The following KATNB1 variants were observed in gnomAD, a reference collection of about 807,000 sequenced individuals.
KATNB1 encodes the protein katanin p80 WD40 repeat-containing subunit B1.
Under a neutral mutation model 82.3 loss-of-function variants are expected in KATNB1, and 38 were observed. The observed-to-expected ratio is 0.46, with a 90% CI of 0.36 to 0.61. The LOEUF (loss-of-function observed/expected upper bound fraction) is 0.61. KATNB1 is among the 20% of genes least tolerant of loss of function. KATNB1 has a pLI of 0.00. For missense variants in KATNB1, 749 were observed against 915.7 expected, an observed-to-expected ratio of 0.82 and a Z score of 2.35; for synonymous variants, 361 against 368.7, an observed-to-expected ratio of 0.98 and a Z score of 0.24.
intron 18 of KATNB1, 141 bp from the exon 19 acceptor site, chr16:57,756,215 G>A: frequency 8.8e-7 from 1 of 1,142,608 alleles, no homozygotes; most frequent in African/African-American, 1.5e-5. Context: ...TCCGGAGGTG[G>A]GAGTGGAAAC....
chr16:57,756,100 G>A (rs782394502), intron 18 of KATNB1, 34 bp downstream of exon 18: 1 of 1,598,406 alleles, frequency 6.3e-7, no homozygotes, highest in African/African-American at 1.3e-5. Context: ...GCCTGAAGCA[G>A]GGGGAGGGGA....
chr16:57,736,344 G>A (rs2049099386), intron 1 of KATNB1, among the ~76,000 whole-genome samples: 1 of 152,142 alleles, frequency 6.6e-6, no homozygotes, highest in Non-Finnish European at 1.5e-5. Flanking sequence ...GGAGGGGAGC[G>A]GGCTCATGGG....
rs1597831694 is a variant in KATNB1, at chr16:57,755,582, C to A, written c.1566+88C>A. On this transcript the variant is annotated intron_variant, in intron 16 of 19. Coordinates refer to ENST00000379661, the MANE Select transcript of KATNB1 (RefSeq NM_005886.3). ...GGGCTTGGGGCAGAACAAGAAGAGGCCACCCATGGGGGACAGTGTGGGATA... is the reference window on the plus strand; with the variant it reads ...GGGCTTGGGGCAGAACAAGAAGAGGACACCCATGGGGGACAGTGTGGGATA... 3.3e-6 allele frequency: 5 copies of A among 1,518,444 alleles called. No homozygotes were observed. In the East Asian group the frequency reaches 1.1e-4, roughly 34 times the overall value. The allele number at this position is 1,518,444 out of a possible 1,614,324, so 94.1% of individuals were successfully genotyped here.
intron 3 of KATNB1, among the ~76,000 whole-genome samples, chr16:57,743,167 C>T (rs1043255589): frequency 6.6e-6 from 1 of 152,208 alleles, no homozygotes; most frequent in South Asian, 2.1e-4. Context: ...GTGGCAGGCA[C>T]CTGTAGTCCC....
chr16:57,738,350 G>A (rs1274477889), intron 2 of KATNB1, among the ~76,000 whole-genome samples: 1 of 151,938 alleles, frequency 6.6e-6, no homozygotes, highest in African/African-American at 2.4e-5. Flanking sequence ...CTGCTTCCCG[G>A]GTTCATGCGA....
chr16:57,755,320 GCATCTGGGTGTC>G lies in KATNB1; in HGVS notation c.1417-20_1417-9del. 2 of 1,612,236 alleles carry G rather than the reference GCATCTGGGTGTC, an allele frequency of 1.2e-6. No individual in the cohort carries two copies. Among genetic ancestry groups the G allele is most frequent in the Non-Finnish European group, 1.7e-6 (2 of 1,179,694 alleles). ...TTTGCTGCTGGCTCCTCCCATGCCA[GCATCTGGGTGTC>G]CATCCCACGCAGGCCGTGAAGATCC... On this transcript the variant is annotated splice_polypyrimidine_tract_variant and intron_variant, in intron 15 of 19. Coordinates refer to ENST00000379661, the MANE Select transcript of KATNB1 (RefSeq NM_005886.3).
chr16:57,751,650 C>A lies in KATNB1; in HGVS notation c.442C>A (p.Gln148Lys), dbSNP rs1312999569. 8.1e-6 allele frequency: 13 copies of A among 1,611,160 alleles called. No individual in the cohort carries two copies. The highest frequency in any genetic ancestry group is 1.1e-5 in the Non-Finnish European group (13 of 1,180,012). Residue 148 changes from glutamine (Q) to lysine (K), a missense_variant, in exon 7 of 20, where the codon CAG (glutamine) becomes AAG (lysine). Gln to Lys is a moderately conservative substitution (Grantham distance 53). Around this residue, in one of 3 missense-constraint regions of KATNB1, gnomAD observed 247 missense variants for 349.4 expected, o/e 0.71. Coordinates refer to ENST00000379661, the MANE Select transcript of KATNB1 (RefSeq NM_005886.3). This position sits in a 1 kb window ranked among gnomAD's most constrained non-coding sequence, Gnocchi z 6.3. ...CCGTGTCCTCCCTCAGGGGCACAGC[C>A]AGGCCGTGCGGTGTCTCCGGTTCAG... ...GCVFRYRGHS[Q>K]AVRCLRFSPD...
chr16:57,747,255 G>A (rs544429784), intron 4 of KATNB1, among the ~76,000 whole-genome samples: 1 of 152,328 alleles, frequency 6.6e-6, no homozygotes, highest in Admixed American at 6.5e-5. Context: ...CTGAAGCCCT[G>A]GAGAGGAAGC....
Position 57,737,120 on chromosome 16 carries a change from G to T in KATNB1, c.-124G>T, listed in dbSNP as rs2148786542. On this transcript the variant is annotated 5_prime_UTR_variant, in exon 2 of 20. Transcript: ENST00000379661. ...GGCCAGAAGACGAGGCATTCTGTCT[G>T]CCTGGATGTGTGGGAACTCTCTGCC... The T allele has an allele frequency of 8.3e-7, 1 of 1,209,800 alleles. No individual in the cohort carries two copies. Among genetic ancestry groups the T allele is most frequent in the East Asian group, 2.5e-5 (1 of 40,138 alleles). 74.9% of individuals were successfully genotyped at this position (1,209,800 alleles called of 1,614,324 possible).
intron 19 of KATNB1, 140 bp downstream of exon 19, chr16:57,756,612 G>T (rs1448553334): frequency 8.6e-7 from 1 of 1,160,634 alleles, no homozygotes; most frequent in Admixed American, 2.5e-5. Flanking sequence ...ATGGCTCAGG[G>T]TGTGGGTGGG....
chr16:57,752,327 C>T (rs933184710), intron 8 of KATNB1: 8 of 631,732 alleles, frequency 1.3e-5, no homozygotes, highest in East Asian at 2.7e-5. Flanking sequence ...CAGGGAGGCT[C>T]GTGGCTGTTG....
Position 57,752,708 on chromosome 16 carries a change from C to T in KATNB1, c.705-70C>T, listed in dbSNP as rs1484389812. On this transcript the variant is annotated intron_variant, in intron 9 of 19. Coordinates refer to ENST00000379661, the MANE Select transcript of KATNB1 (RefSeq NM_005886.3). ...TGCTGCGCCCTCCCTGCCCTGGGCC[C>T]TCTGGATTCCTCGGGGTGGGGACCA... The T allele has an allele frequency of 3.2e-6, 5 of 1,571,494 alleles. No homozygotes were observed. The Admixed American group carries it at 5.5e-5, about 17-fold the overall frequency.
chr16:57,753,899 G>A (rs1555584575), intron 12 of KATNB1, 46 bp from the exon 13 acceptor site: 1 of 1,599,282 alleles, frequency 6.3e-7, no homozygotes, highest in Non-Finnish European at 8.6e-7. Context: ...GGTCCCAGGT[G>A]GCCTGGCCAG....
chr16:57,740,161 C>T (rs782042513), intron 2 of KATNB1, among the ~76,000 whole-genome samples: 4 of 152,260 alleles, frequency 2.6e-5, no homozygotes, highest in East Asian at 1.9e-4. Context: ...CTCATCGAGA[C>T]GGGACTAAAG....
intron 4 of KATNB1, among the ~76,000 whole-genome samples, chr16:57,744,844 A>G (rs1404874509): frequency 2.0e-5 from 3 of 152,128 alleles, no homozygotes; most frequent in African/African-American, 7.2e-5. Context: ...GGGGCCCTGC[A>G]GGTCACATGA....
intron 2 of KATNB1, among the ~76,000 whole-genome samples, chr16:57,739,092 T>C (rs2049124344): frequency 6.6e-6 from 1 of 152,168 alleles, no homozygotes; most frequent in Non-Finnish European, 1.5e-5. Context: ...GCAGGAGGAA[T>C]GTGGGGCCGC....
At chr16:57,740,867 C>T (rs546471643) in intron 2 of KATNB1, among the ~76,000 whole-genome samples, 3 of 152,318 alleles carry the variant, frequency 2.0e-5, no homozygotes, top group East Asian at 3.9e-4. Context: ...CGCCCAGGCC[C>T]CCATGCCCAC....
At chr16:57,750,764 C>G in intron 4 of KATNB1, 63 bp from the exon 5 acceptor site, 1 of 1,262,808 alleles carries the variant, frequency 7.9e-7, no homozygotes, top group South Asian at 1.2e-5. Context: ...CCCACAGCAG[C>G]CCTTCCTCTG....
At chr16:57,754,109 ACGACC>A in intron 13 of KATNB1, 114 bp downstream of exon 13, 1 of 864,746 alleles carries the variant, frequency 1.2e-6, no homozygotes, top group Non-Finnish European at 1.9e-6. Flanking sequence ...CTCTCAGGAC[ACGACC>A]CACACCCTCT....
Sources: gnomAD v4.1 joint callset for allele counts (sites outside exome capture counted in the v4.1 genomes callset) on GRCh38, gnomAD v4.1.1 for gene constraint, gnomAD v4.1.1 regional missense constraint, Gnocchi (gnomAD v3.1) non-coding constraint, MANE v1.5 for transcripts, NCBI Gene and HGNC (gene_info 2026-07-23, HGNC 2026-07-21) for gene names.